MX2: variants seen among roughly 807,000 people sequenced by gnomAD.
MX2 encodes MX dynamin like GTPase 2, also known as interferon-induced GTP-binding protein Mx2.
Under a neutral mutation model 74.0 loss-of-function variants are expected in MX2, and 51 were observed. That is an observed-to-expected ratio of 0.69 (90% CI 0.55 to 0.87). The LOEUF (loss-of-function observed/expected upper bound fraction) is 0.87. Ranked by LOEUF, MX2 falls within the 40% of genes least tolerant of loss-of-function variation. The pLI is 0.00. For synonymous variants in MX2, 369 were observed against 339.3 expected (o/e 1.09, Z -0.96); for missense variants, 832 against 908.7 (o/e 0.92, Z 1.09).
intron 10 of MX2, 25 bp downstream of exon 10, chr21:41,399,362 C>T (rs771216814): frequency 6.2e-7 from 1 of 1,608,988 alleles, no homozygotes; most frequent in South Asian, 1.1e-5. Context: ...GGGCTCCCTG[C>T]AAAACAGGGT....
intron 3 of MX2, 38 bp downstream of exon 3, chr21:41,378,019 G>T: frequency 6.3e-7 from 1 of 1,592,498 alleles, no homozygotes; most frequent in Non-Finnish European, 8.6e-7. Flanking sequence ...GCAGCAAGCA[G>T]CGCCACCTGT....
At chr21:41,376,210 C>T (rs944335457) in intron 1 of MX2, among the ~76,000 whole-genome samples, 1 of 152,190 alleles carries the variant, frequency 6.6e-6, no homozygotes, top group Non-Finnish European at 1.5e-5. Flanking sequence ...CCACAGAGAC[C>T]TGATGCCATA....
At chr21:41,394,466 G>C (rs1019199544) in intron 6 of MX2, among the ~76,000 whole-genome samples, 1 of 152,086 alleles carries the variant, frequency 6.6e-6, no homozygotes. Flanking sequence ...ACTACATCAC[G>C]CACCGCTGCC....
At chr21:41,399,494 A>G (rs918861675) in intron 10 of MX2, 157 bp downstream of exon 10, 1 of 756,774 alleles carries the variant, frequency 1.3e-6, no homozygotes, top group Non-Finnish European at 2.1e-6. Context: ...AACAAAACCC[A>G]GAAATATGGG....
chr21:41,391,567 A>T (rs1180073818), intron 6 of MX2, among the ~76,000 whole-genome samples: 1 of 152,002 alleles, frequency 6.6e-6, no homozygotes, highest in Non-Finnish European at 1.5e-5. Flanking sequence ...TTTTCAGTAG[A>T]GACGGGGTTT....
chr21:41,395,775 C>A lies in MX2; in HGVS notation c.1060C>A (p.Pro354Thr). 6.2e-7 allele frequency: 1 copy of A among 1,614,060 alleles called. No homozygotes were observed. The highest frequency in any genetic ancestry group is 8.5e-7 in the Non-Finnish European group (1 of 1,180,014). ...KKEITFFQTH[P>T]YFRVLLEEGS... ...AGAAATTACATTCTTTCAAACACAT[C>A]CATATTTCAGGTGAGACTCTTCAGG... Residue 354 changes from proline to threonine, a missense_variant, in exon 7 of 14, where the codon CCA becomes ACA. Pro to Thr is a conservative substitution (Grantham distance 38). Coordinates refer to ENST00000330714, the MANE Select transcript of MX2 (RefSeq NM_002463.2).
Position 41,406,866 on chromosome 21 carries a change from A to G in MX2, c.1773A>G (p.Lys591=). ...QDQIYSVVLK[K]VREEIFNPLG... ...AGATTTACAGTGTTGTTCTGAAGAA[A>G]GTCCGAGAAGAGATTTTTAACCCTC... is the stretch of plus-strand genomic sequence containing the variant. Residue 591 remains lysine (K), a synonymous_variant, in exon 13 of 14, where the codon AAA becomes AAG. Coordinates refer to ENST00000330714, the MANE Select transcript of MX2 (RefSeq NM_002463.2). 1 of 1,614,260 alleles carries G rather than the reference A, an allele frequency of 6.2e-7. No homozygotes were observed. Among genetic ancestry groups the G allele is most frequent in the East Asian group, 2.2e-5 (1 of 44,890 alleles).
chr21:41,406,656 A>T, intron 12 of MX2, 88 bp from the exon 13 acceptor site: 1 of 1,321,984 alleles, frequency 7.6e-7, no homozygotes, highest in Non-Finnish European at 1.0e-6. Context: ...TTTATTTCTG[A>T]GTTCAACATA....
chr21:41,391,097 A>G (rs1048357829), intron 6 of MX2, among the ~76,000 whole-genome samples: 2 of 151,766 alleles, frequency 1.3e-5, no homozygotes, highest in Non-Finnish European at 2.9e-5. Context: ...CCTGGAACGT[A>G]TCATATGCCA....
Position 41,390,578 on chromosome 21 carries a change from T to A in MX2, c.746T>A (p.Ile249Asn), listed in dbSNP as rs1377650875. ...CTTTGGCATCAGATCAAGGCTCTCATCAAGAAGTACATCCAGAGGCAGCAG... is the reference window on the plus strand; with the variant it reads ...CTTTGGCATCAGATCAAGGCTCTCAACAAGAAGTACATCCAGAGGCAGCAG... The part of the protein sequence containing the change: ...RDIGLQIKAL[I>N]KKYIQRQQTI... Residue 249 changes from isoleucine to asparagine, a missense_variant, in exon 6 of 14, where the codon ATC (isoleucine) becomes AAC (asparagine). Ile to Asn is a moderately radical substitution (Grantham distance 149). Coordinates refer to ENST00000330714, the MANE Select transcript of MX2 (RefSeq NM_002463.2). 2 of 1,614,004 alleles carry A rather than the reference T, an allele frequency of 1.2e-6. No individual in the cohort carries two copies.
chr21:41,369,297 C>T (rs554940074), intron 1 of MX2, among the ~76,000 whole-genome samples: 1 of 152,290 alleles, frequency 6.6e-6, no homozygotes, highest in South Asian at 2.1e-4. Flanking sequence ...GTCTTTCCTC[C>T]CAGTGAGGAG....
chr21:41,399,518 C>A (rs2089782874), intron 10 of MX2, 181 bp downstream of exon 10: 2 of 596,932 alleles, frequency 3.4e-6, no homozygotes, highest in South Asian at 2.2e-5. Context: ...TCGACCTCAG[C>A]AACTCAACAC....
chr21:41,398,905 C>T lies in MX2; in HGVS notation c.1158C>T (p.Leu386=). 1 of 1,612,876 alleles carries T rather than the reference C, an allele frequency of 6.2e-7. No individual in the cohort carries two copies. Among genetic ancestry groups the T allele is most frequent in the South Asian group, 1.1e-5 (1 of 90,954 alleles). Residue 386 remains leucine, a synonymous_variant, in exon 9 of 14, where the codon CTC becomes CTT. Transcript: ENST00000330714. ...GCAATTGTTTTGTTTAGAAATCGCT[C>T]CCGTTGTTAGAAGGACAAATAAGGG... ...TELIMHIQKS[L]PLLEGQIRES... is the part of the protein sequence containing the mutation.
At chr21:41,400,530 A>T (rs947882062) in intron 10 of MX2, among the ~76,000 whole-genome samples, 1 of 152,158 alleles carries the variant, frequency 6.6e-6, no homozygotes, top group East Asian at 1.9e-4. Context: ...ACACAGCTAT[A>T]AAAAACTACC....
At chr21:41,387,889 C>G (rs958945316) in intron 5 of MX2, among the ~76,000 whole-genome samples, 1 of 152,188 alleles carries the variant, frequency 6.6e-6, no homozygotes, top group Non-Finnish European at 1.5e-5. Context: ...GGCACCTCCA[C>G]CCTCCCAGTG....
intron 6 of MX2, among the ~76,000 whole-genome samples, chr21:41,392,697 T>A (rs2089676324): frequency 6.6e-6 from 1 of 152,096 alleles, no homozygotes; most frequent in Admixed American, 6.5e-5. Context: ...TGTAAAGAAA[T>A]TTTTTTTAAA....
chr21:41,397,575 A>G, intron 7 of MX2, 38 bp from the exon 8 acceptor site: 1 of 1,583,548 alleles, frequency 6.3e-7, no homozygotes. Context: ...ATGGTACACA[A>G]GTCCTTCCTG....
Position 41,366,957 on chromosome 21 carries a change from G to A in MX2, c.-72+4902G>A, listed in dbSNP as rs1269249379. On this transcript the variant is annotated intron_variant, in intron 1 of 13. Coordinates refer to ENST00000330714, the MANE Select transcript of MX2 (RefSeq NM_002463.2). This position sits in a 1 kb window ranked among gnomAD's most constrained non-coding sequence, Gnocchi z 4.5. ...CTATCTCTTGCGTACTCTGCTCTGAGGTGTTTTAAAAAGCGCCACCATAAA... is the reference window on the plus strand; with the variant it reads ...CTATCTCTTGCGTACTCTGCTCTGAAGTGTTTTAAAAAGCGCCACCATAAA... 2.0e-5 allele frequency: 3 copies of A among 152,194 alleles called. No homozygotes were observed. Among genetic ancestry groups the A allele is most frequent in the Non-Finnish European group, 4.4e-5 (3 of 68,070 alleles). 9.4% of individuals were successfully genotyped at this position (152,194 alleles called of 1,614,324 possible). A position where few individuals can be genotyped will look rare whatever the true frequency, so the allele number is the denominator to read the frequency against.
In MX2 at chr21:41,366,259, T is replaced by C. The variant is rs1360086514; in HGVS notation, c.-72+4204T>C. ...CCCCAGGTGCACAGTTTGGGGAACA[T>C]AGTCTTATAGATTTGATGAATTCCC... is the stretch of plus-strand genomic sequence containing the variant. On this transcript the variant is annotated intron_variant, in intron 1 of 13. Coordinates refer to ENST00000330714, the MANE Select transcript of MX2 (RefSeq NM_002463.2). This position sits in a 1 kb window ranked among gnomAD's most constrained non-coding sequence, Gnocchi z 4.5. 2 of 152,264 alleles carry C rather than the reference T, an allele frequency of 1.3e-5. No homozygotes were observed. The highest frequency in any genetic ancestry group is 4.8e-5 in the African/African-American group (2 of 41,464). The allele number at this position is 152,264 out of a possible 1,614,324, so 9.4% of individuals were successfully genotyped here. A position where few individuals can be genotyped will look rare whatever the true frequency, so the allele number is the denominator to read the frequency against.
Sources: gnomAD v4.1 joint callset for allele counts (sites outside exome capture counted in the v4.1 genomes callset) on GRCh38, gnomAD v4.1.1 for gene constraint, Gnocchi (gnomAD v3.1) non-coding constraint, MANE v1.5 for transcripts, NCBI Gene and HGNC (gene_info 2026-07-23, HGNC 2026-07-21) for gene names.